The following FGF14 variants were observed in gnomAD, a reference collection of about 807,000 sequenced individuals.
FGF14 encodes the protein fibroblast growth factor homologous factor 4.
In FGF14, 5 loss-of-function variants were observed where a neutral mutation model predicts 25.5. The ratio of observed to expected loss-of-function variants is 0.20; its 90% CI spans 0.10 to 0.41. The LOEUF (loss-of-function observed/expected upper bound fraction) is 0.41, where lower values mean the gene tolerates loss of function less well. FGF14 is among the 10% of genes least tolerant of loss of function. FGF14 has a pLI of 1.00. For synonymous variants in FGF14, 138 were observed against 118.3 expected, an observed-to-expected ratio of 1.17 and a Z score of -1.08; for missense variants, 222 against 320.1, an observed-to-expected ratio of 0.69 and a Z score of 2.34.
chr13:101,804,887 T>C (rs2041112983), intron 3 of FGF14, among the ~76,000 whole-genome samples: 1 of 152,124 alleles, frequency 6.6e-6, no homozygotes, highest in African/African-American at 2.4e-5. Context: ...GCAACACACC[T>C]ACATCAAACT....
chr13:101,833,262 T>C (rs2140289482), intron 3 of FGF14, among the ~76,000 whole-genome samples: 1 of 152,164 alleles, frequency 6.6e-6, no homozygotes, highest in African/African-American at 2.4e-5. Flanking sequence ...ACACAAATAC[T>C]TTTCAGAATG....
At chr13:102,262,774 TTGCTTTTATTTTGA>T (rs1277327636) in intron 1 of FGF14, among the ~76,000 whole-genome samples, 2 of 152,230 alleles carry the variant, frequency 1.3e-5, no homozygotes, top group African/African-American at 4.8e-5. Context: ...CCTTATTTTA[TTGCTTTTATTTTGA>T]TGCTTTTATT....
At chr13:101,846,111 G>C (rs551194577) in intron 3 of FGF14, among the ~76,000 whole-genome samples, 352 of 151,956 alleles carry the variant, frequency 2.3e-3, no homozygotes, top group Non-Finnish European at 3.9e-3. Context: ...TGTAGTTTAA[G>C]TTTTAAAACT....
At chr13:102,172,285 C>G (rs16959881) in intron 1 of FGF14, among the ~76,000 whole-genome samples, 4,295 of 152,160 alleles carry the variant, frequency 0.028, 224 homozygotes, top group African/African-American at 0.098. Context: ...TTTCCCCAGT[C>G]CAGTTTGGAA....
intron 1 of FGF14, among the ~76,000 whole-genome samples, chr13:102,123,042 A>ATTC (rs2045798956): frequency 6.6e-6 from 1 of 152,220 alleles, no homozygotes; most frequent in African/African-American, 2.4e-5. Context: ...TTTGATTTTA[A>ATTC]GATGGGCAGC....
At chr13:101,981,920 C>G (rs544093249) in intron 1 of FGF14, among the ~76,000 whole-genome samples, 20 of 152,276 alleles carry the variant, frequency 1.3e-4, no homozygotes, top group African/African-American at 4.8e-4. Flanking sequence ...TAGGAGCTCA[C>G]CTGAGTTCCA....
chr13:101,916,738 C>A lies in FGF14; in HGVS notation c.-93G>T, dbSNP rs2296047. 35 of 1,172,148 alleles carry A rather than the reference C, an allele frequency of 3.0e-5. No homozygotes were observed. Among genetic ancestry groups the A allele is most frequent in the Non-Finnish European group, 3.7e-5 (32 of 860,704 alleles). 72.6% of individuals were successfully genotyped at this position (1,172,148 alleles called of 1,614,324 possible). A position where few individuals can be genotyped will look rare whatever the true frequency, so the allele number is the denominator to read the frequency against. ...GAAGGCGGCGGCGCAGACCGTGGCT[C>A]GCCCTCGGGGCAGAGGAGGGGGTGC... On this transcript the variant is annotated 5_prime_UTR_variant, in exon 1 of 5. Coordinates refer to ENST00000376143, the MANE Select transcript of FGF14 (RefSeq NM_004115.4).
intron 2 of FGF14, among the ~76,000 whole-genome samples, chr13:101,874,910 A>G (rs1594569155): frequency 6.6e-6 from 1 of 152,176 alleles, no homozygotes; most frequent in Admixed American, 6.5e-5. Flanking sequence ...CAATAATAAG[A>G]TTAAAAGTAA....
chr13:102,159,087 C>A (rs2047499967), intron 1 of FGF14, among the ~76,000 whole-genome samples: 1 of 145,742 alleles, frequency 6.9e-6, no homozygotes, highest in Non-Finnish European at 1.5e-5. Context: ...TTGCAGAGAG[C>A]CAAGATCATG....
chr13:102,231,246 A>G (rs1186469171), intron 1 of FGF14, among the ~76,000 whole-genome samples: 3 of 152,232 alleles, frequency 2.0e-5, no homozygotes, highest in Admixed American at 1.3e-4. Flanking sequence ...ACGGAACAGC[A>G]GGTTGCAAAT....
At chr13:101,959,645 G>A (rs1373018522) in intron 1 of FGF14, among the ~76,000 whole-genome samples, 1 of 152,130 alleles carries the variant, frequency 6.6e-6, no homozygotes, top group African/African-American at 2.4e-5. Flanking sequence ...CAAAGCTCAG[G>A]TTAAATTCCA....
intron 1 of FGF14, among the ~76,000 whole-genome samples, chr13:101,929,563 T>G (rs2034608750): frequency 1.3e-5 from 2 of 152,188 alleles, no homozygotes; most frequent in Admixed American, 1.3e-4. Flanking sequence ...ATTTTCCACA[T>G]AGGTTTGCAG....
At chr13:101,876,232 T>G (rs1363935928) in intron 1 of FGF14, among the ~76,000 whole-genome samples, 1 of 152,162 alleles carries the variant, frequency 6.6e-6, no homozygotes, top group East Asian at 1.9e-4. Flanking sequence ...AATATTTGCA[T>G]GTGGTTTTGC....
chr13:101,946,304 C>CCCACAATA (rs1024500773), intron 1 of FGF14, among the ~76,000 whole-genome samples: 7 of 149,694 alleles, frequency 4.7e-5, no homozygotes, highest in African/African-American at 1.5e-4. Flanking sequence ...CCACATCTAC[C>CCCACAATA]CAACGTCCTG....
intron 1 of FGF14, among the ~76,000 whole-genome samples, chr13:101,892,914 C>CA (rs1257051835): frequency 6.6e-6 from 1 of 152,024 alleles, no homozygotes; most frequent in African/African-American, 2.4e-5. Flanking sequence ...GTTAATTATA[C>CA]AAAAAATGAA....
At chr13:102,194,075 A>T (rs990695549) in intron 1 of FGF14, among the ~76,000 whole-genome samples, 64 of 152,322 alleles carry the variant, frequency 4.2e-4, no homozygotes, top group Non-Finnish European at 5.3e-4. Context: ...CAGCAAATAG[A>T]TAACATCAAC....
At chr13:101,962,510 T>C (rs2036925892) in intron 1 of FGF14, among the ~76,000 whole-genome samples, 1 of 152,102 alleles carries the variant, frequency 6.6e-6, no homozygotes, top group South Asian at 2.1e-4. Flanking sequence ...ATGACTAAAG[T>C]TGTGATCAAA....
intron 1 of FGF14, among the ~76,000 whole-genome samples, chr13:102,224,689 T>A (rs2140969641): frequency 6.6e-6 from 1 of 152,336 alleles, no homozygotes; most frequent in Non-Finnish European, 1.5e-5. Flanking sequence ...AGTATCCTCA[T>A]GTCTCTGAGC....
intron 1 of FGF14, among the ~76,000 whole-genome samples, chr13:102,135,045 AC>A (rs2046351389): frequency 6.6e-6 from 1 of 151,346 alleles, no homozygotes; most frequent in African/African-American, 2.4e-5. Context: ...ACACACACAC[AC>A]ACACACACAC....
Sources: allele counts gnomAD v4.1 joint callset (sites outside exome capture counted in the v4.1 genomes callset), GRCh38; gene constraint gnomAD v4.1.1; transcripts MANE v1.5; gene names NCBI Gene and HGNC (gene_info 2026-07-23, HGNC 2026-07-21).